TAFA2: variants seen among roughly 807,000 people sequenced by gnomAD.
The protein encoded by TAFA2 is chemokine-like protein TAFA-2.
A neutral mutation model predicts 18.8 loss-of-function variants in TAFA2; 7 were observed. The ratio of observed to expected loss-of-function variants is 0.37; its 90% CI spans 0.21 to 0.70. The LOEUF is 0.70. Among genes scored for constraint, TAFA2 ranks in the 30% least tolerant of loss-of-function variants. The pLI is 0.53. For missense variants in TAFA2, 122 were observed against 158.1 expected, an observed-to-expected ratio of 0.77 and a Z score of 1.23; for synonymous variants, 60 against 54.2, an observed-to-expected ratio of 1.11 and a Z score of -0.47.
chr12:62,062,401 C>A (rs140431607), intron 1 of TAFA2, among the ~76,000 whole-genome samples: 1 of 152,110 alleles, frequency 6.6e-6, no homozygotes, highest in African/African-American at 2.4e-5. Flanking sequence ...GGTTTCATTG[C>A]GACCTGACAA....
rs75764995 is a variant in TAFA2, at chr12:61,988,217, G to A, written c.-1-120791C>T. 5.2e-3 allele frequency among the ~76,000 whole-genome samples: 794 copies of A among 151,978 alleles called. 5 individuals carry two copies. The highest frequency in any genetic ancestry group is 8.3e-3 in the Non-Finnish European group (562 of 67,984). On this transcript the variant is annotated intron_variant, in intron 1 of 4. Coordinates refer to ENST00000416284, the MANE Select transcript of TAFA2 (RefSeq NM_178539.5). Reference sequence around the variant, plus strand: ...GTTTAGGGGAAATTATTGCCTTGTCGGTTTCCTTTTCCCATGTAATATATT... The same window carrying A: ...GTTTAGGGGAAATTATTGCCTTGTCAGTTTCCTTTTCCCATGTAATATATT...
chr12:62,119,231 C>T (rs1178238969), intron 1 of TAFA2, among the ~76,000 whole-genome samples: 4 of 152,012 alleles, frequency 2.6e-5, no homozygotes, highest in African/African-American at 7.2e-5. Flanking sequence ...AAAAAACACT[C>T]CCAAATTTTA....
At chr12:61,802,927 T>C (rs1462037767) in intron 2 of TAFA2, among the ~76,000 whole-genome samples, 3 of 151,964 alleles carry the variant, frequency 2.0e-5, no homozygotes, top group Admixed American at 2.0e-4. Context: ...CTCAGAGGAA[T>C]TCACTGGGTT....
At chr12:62,154,453 C>T (rs1384710701) in intron 1 of TAFA2, among the ~76,000 whole-genome samples, 1 of 152,048 alleles carries the variant, frequency 6.6e-6, no homozygotes, top group Non-Finnish European at 1.5e-5. Context: ...GCTCTTAAAG[C>T]TAGACACATT....
At chr12:62,077,147 A>G (rs976931770) in intron 1 of TAFA2, among the ~76,000 whole-genome samples, 5 of 152,244 alleles carry the variant, frequency 3.3e-5, no homozygotes, top group African/African-American at 9.6e-5. Flanking sequence ...AATTACCAAC[A>G]TAGAGAATTA....
intron 2 of TAFA2, among the ~76,000 whole-genome samples, chr12:61,784,358 G>C (rs536521677): frequency 6.6e-6 from 1 of 151,502 alleles, no homozygotes; most frequent in South Asian, 2.1e-4. Flanking sequence ...AACACATCAA[G>C]AGAGGTGATG....
chr12:62,199,760 G>C (rs905185158), intron 1 of TAFA2, among the ~76,000 whole-genome samples: 1 of 151,916 alleles, frequency 6.6e-6, no homozygotes, highest in Admixed American at 6.6e-5. Context: ...TGTTCCTTTG[G>C]GTATATACCC....
At chr12:61,915,074 T>C (rs1027402928) in intron 1 of TAFA2, among the ~76,000 whole-genome samples, 6 of 152,088 alleles carry the variant, frequency 3.9e-5, no homozygotes, top group Admixed American at 6.6e-5. Flanking sequence ...GGCAGGAGAA[T>C]TGCTTGAACC....
intron 1 of TAFA2, among the ~76,000 whole-genome samples, chr12:61,869,241 GCTGA>G (rs1266677626): frequency 6.6e-6 from 1 of 152,128 alleles, no homozygotes; most frequent in Non-Finnish European, 1.5e-5. Context: ...CAGGCTTCCT[GCTGA>G]CTATGTGACT....
At chr12:61,777,302 T>G (rs1232385414) in intron 2 of TAFA2, among the ~76,000 whole-genome samples, 2 of 151,900 alleles carry the variant, frequency 1.3e-5, no homozygotes, top group Non-Finnish European at 2.9e-5. Flanking sequence ...AAATCAAGAA[T>G]AATAATCCTG....
At chr12:61,873,265 CT>C (rs768239909) in intron 1 of TAFA2, among the ~76,000 whole-genome samples, 18 of 150,652 alleles carry the variant, frequency 1.2e-4, no homozygotes, top group Non-Finnish European at 2.1e-4. Flanking sequence ...CTAGATTACT[CT>C]TTTTTTTGAG....
chr12:62,014,306 T>G (rs1880859676), intron 1 of TAFA2, among the ~76,000 whole-genome samples: 1 of 152,190 alleles, frequency 6.6e-6, no homozygotes, highest in Non-Finnish European at 1.5e-5. Context: ...GCATAATTTA[T>G]TTTGAGTTTG....
intron 1 of TAFA2, among the ~76,000 whole-genome samples, chr12:62,049,229 C>G (rs1221824907): frequency 6.6e-6 from 1 of 152,108 alleles, no homozygotes; most frequent in Admixed American, 6.5e-5. Flanking sequence ...TGGCACTCCT[C>G]TAAATGAACA....
intron 1 of TAFA2, among the ~76,000 whole-genome samples, chr12:62,151,741 T>C (rs932629646): frequency 9.8e-5 from 15 of 152,350 alleles, no homozygotes; most frequent in Non-Finnish European, 1.6e-4. Context: ...AAAATAGAAA[T>C]CTCTACTTCT....
chr12:62,173,178 C>T (rs181985792), intron 1 of TAFA2, among the ~76,000 whole-genome samples: 4 of 152,046 alleles, frequency 2.6e-5, no homozygotes, highest in African/African-American at 4.8e-5. Flanking sequence ...TTTGGGAGGC[C>T]GAGGCGGGAG....
chr12:61,937,878 G>A (rs1045094982), intron 1 of TAFA2, among the ~76,000 whole-genome samples: 5 of 151,908 alleles, frequency 3.3e-5, no homozygotes, highest in Non-Finnish European at 5.9e-5. Context: ...CACAAAATGG[G>A]AAAGAATATT....
At chr12:62,052,501 C>T (rs1290670663) in intron 1 of TAFA2, among the ~76,000 whole-genome samples, 2 of 152,094 alleles carry the variant, frequency 1.3e-5, no homozygotes, top group East Asian at 3.9e-4. Flanking sequence ...TCAGCCAACC[C>T]TCTTCTCTTT....
chr12:61,796,491 A>T (rs1871195061), intron 2 of TAFA2, among the ~76,000 whole-genome samples: 1 of 152,130 alleles, frequency 6.6e-6, no homozygotes, highest in Non-Finnish European at 1.5e-5. Context: ...ACAATAACTG[A>T]TCAATGTGTA....
intron 1 of TAFA2, among the ~76,000 whole-genome samples, chr12:62,250,844 C>A (rs1197602227): frequency 6.6e-6 from 1 of 150,536 alleles, no homozygotes; most frequent in African/African-American, 2.4e-5. Flanking sequence ...CTCTTGATCT[C>A]TTTTTGCAAC....
Sources: gnomAD v4.1 joint callset for allele counts (sites outside exome capture counted in the v4.1 genomes callset) on GRCh38, gnomAD v4.1.1 for gene constraint, MANE v1.5 for transcripts, NCBI Gene and HGNC (gene_info 2026-07-23, HGNC 2026-07-21) for gene names.